Variants in MANBA observed in about 807,000 individuals in gnomAD.
The protein encoded by MANBA is beta-mannosidase.
A neutral mutation model predicts 111.1 loss-of-function variants in MANBA; 83 were observed. The observed-to-expected ratio is 0.75, with a 90% CI of 0.63 to 0.90. The LOEUF is 0.90. Ranked by LOEUF, MANBA falls within the 40% of genes least tolerant of loss-of-function variation. MANBA has a pLI of 0.00. For synonymous variants in MANBA, 370 were observed against 378.7 expected, an observed-to-expected ratio of 0.98 and a Z score of 0.27; for missense variants, 1,036 against 1,069.0, an observed-to-expected ratio of 0.97 and a Z score of 0.43.
chr4:102,716,309 CAAAAAAAAAAAAAAAAAA>C (rs56345161), intron 4 of MANBA, among the ~76,000 whole-genome samples: 2 of 39,108 alleles, frequency 5.1e-5, no homozygotes. Flanking sequence ...AACTCAGTCT[CAAAAAAAAAAAAAAAAAA>C]AAAAAAAAGA....
chr4:102,699,647 T>C (rs938108876), intron 5 of MANBA, among the ~76,000 whole-genome samples: 1 of 150,918 alleles, frequency 6.6e-6, no homozygotes, highest in Non-Finnish European at 1.5e-5. Flanking sequence ...TCTGTTTATA[T>C]GATGTATTAC....
intron 1 of MANBA, among the ~76,000 whole-genome samples, chr4:102,758,639 C>T (rs1221029064): frequency 1.3e-5 from 2 of 151,276 alleles, no homozygotes; most frequent in African/African-American, 4.9e-5. Context: ...ACCTCCTGGG[C>T]TCAAACGATC....
At position 102,711,648 on chromosome 4, in the gene MANBA, A is replaced by G. The variant is rs551053370; in HGVS notation, c.673+2790T>C. Reference sequence around the variant, plus strand: ...AAAGAAATCAGTATAACAAAAAGATACTTGCACCCCATGTTTACTGCAGCA... The same window carrying G: ...AAAGAAATCAGTATAACAAAAAGATGCTTGCACCCCATGTTTACTGCAGCA... On this transcript the variant is annotated intron_variant, in intron 5 of 16. Coordinates refer to ENST00000647097, the MANE Select transcript of MANBA (RefSeq NM_005908.4). 5.8e-4 allele frequency among the ~76,000 whole-genome samples: 89 copies of G among 152,350 alleles called. No individual in the cohort carries two copies. The South Asian group carries it at 8.3e-3, about 14-fold the overall frequency.
intron 1 of MANBA, chr4:102,729,004 G>T: frequency 2.1e-6 from 2 of 964,362 alleles, no homozygotes; most frequent in Non-Finnish European, 3.3e-6. Context: ...GCTTCCTGTA[G>T]GTGGCTATCT....
At chr4:102,654,445 A>T (rs1730471082) in intron 12 of MANBA, among the ~76,000 whole-genome samples, 1 of 152,238 alleles carries the variant, frequency 6.6e-6, no homozygotes, top group Admixed American at 6.5e-5. Context: ...TTATGACATC[A>T]TTAAAGTTAA....
intron 1 of MANBA, among the ~76,000 whole-genome samples, chr4:102,738,211 A>C (rs77673146): frequency 0.014 from 2,157 of 152,338 alleles, 49 homozygotes; most frequent in African/African-American, 0.046. Context: ...TAAAGAAGAA[A>C]ACAACTAATT....
At chr4:102,703,833 C>A (rs763287463) in intron 5 of MANBA, among the ~76,000 whole-genome samples, 2 of 152,176 alleles carry the variant, frequency 1.3e-5, no homozygotes, top group East Asian at 3.8e-4. Context: ...TGGTGGCTCA[C>A]GCCTGTAATC....
rs569197016 is a variant in MANBA, at chr4:102,651,355, T to C, written c.1705-654A>G. Among the ~76,000 whole-genome samples the C allele has an allele frequency of 1.3e-4, 20 of 152,174 alleles. No individual in the cohort carries two copies. In the South Asian group the frequency reaches 3.9e-3, roughly 30 times the overall value. On this transcript the variant is annotated intron_variant, in intron 12 of 16. Coordinates refer to ENST00000647097, the MANE Select transcript of MANBA (RefSeq NM_005908.4). ...CCCAAATTATAGGATCTTTATTTTA[T>C]CCCCTAACTTACAGGATCTTTCTTT...
At chr4:102,728,390 T>C in intron 1 of MANBA, 1 of 515,536 alleles carries the variant, frequency 1.9e-6, no homozygotes, top group South Asian at 1.4e-5. Flanking sequence ...AGCCAGGCTG[T>C]TTTCCTGTGG....
Position 102,760,836 on chromosome 4 carries a change from T to A in MANBA, c.59A>T (p.Glu20Val). ...GTTGCCACGCAAGCTGTAACTGAGCTCCGCGGCGGTGGTGCCTGCACCGCA... is the reference window on the plus strand; with the variant it reads ...GTTGCCACGCAAGCTGTAACTGAGCACCGCGGCGGTGGTGCCTGCACCGCA... ...ALCGAGTTAA[E>V]LSYSLRGNWS... Residue 20 changes from glutamate to valine, a missense_variant, in exon 1 of 17, where the codon GAG becomes GTG. Coordinates refer to ENST00000647097, the MANE Select transcript of MANBA (RefSeq NM_005908.4). 1 of 1,569,722 alleles carries A rather than the reference T, an allele frequency of 6.4e-7. No homozygotes were observed. The highest frequency in any genetic ancestry group is 1.2e-5 in the South Asian group (1 of 85,598).
chr4:102,716,337 A>G (rs2110275938), intron 4 of MANBA, among the ~76,000 whole-genome samples: 1 of 142,894 alleles, frequency 7.0e-6, no homozygotes, highest in South Asian at 2.2e-4. Flanking sequence ...AAAAAAAAAG[A>G]ATGAGGAAAC....
At chr4:102,747,590 C>T (rs568959489) in intron 1 of MANBA, among the ~76,000 whole-genome samples, 1 of 152,332 alleles carries the variant, frequency 6.6e-6, no homozygotes, top group South Asian at 2.1e-4. Flanking sequence ...AAGCTATAGT[C>T]TCCAAACTTC....
At chr4:102,726,113 T>A (rs1722785761) in intron 2 of MANBA, among the ~76,000 whole-genome samples, 1 of 149,960 alleles carries the variant, frequency 6.7e-6, no homozygotes, top group African/African-American at 2.5e-5. Flanking sequence ...AAAAAAAAAA[T>A]CACATAAAAG....
At chr4:102,636,129 A>G in intron 14 of MANBA, 122 bp from the exon 15 acceptor site, 2 of 838,754 alleles carry the variant, frequency 2.4e-6, no homozygotes, top group Non-Finnish European at 4.0e-6. Context: ...AGGGAGAGTC[A>G]ACAGTGGAGG....
chr4:102,728,666 G>C lies in MANBA; in HGVS notation c.178-1983C>G. Reference sequence around the variant, plus strand: ...GAGGGCTAGGGCTGGGCCTCAGGTGGGTCTCACGTTCCCTGTGCTCCCTTC... The same window carrying C: ...GAGGGCTAGGGCTGGGCCTCAGGTGCGTCTCACGTTCCCTGTGCTCCCTTC... On this transcript the variant is annotated intron_variant, in intron 1 of 16. Transcript: ENST00000647097. 10 of 561,162 alleles carry C rather than the reference G, an allele frequency of 1.8e-5. No homozygotes were observed. The South Asian group carries it at 1.8e-4, about 10-fold the overall frequency. 34.8% of individuals were successfully genotyped at this position (561,162 alleles called of 1,614,324 possible).
intron 1 of MANBA, among the ~76,000 whole-genome samples, chr4:102,747,889 T>C (rs1429147525): frequency 6.6e-6 from 1 of 152,202 alleles, no homozygotes; most frequent in African/African-American, 2.4e-5. Flanking sequence ...CCAGGCATTA[T>C]GCAAGGTTTT....
intron 1 of MANBA, among the ~76,000 whole-genome samples, chr4:102,757,678 A>T (rs1352496998): frequency 1.3e-5 from 2 of 152,200 alleles, no homozygotes; most frequent in Non-Finnish European, 2.9e-5. Context: ...GCCCATACAT[A>T]GACCAGCAAT....
intron 8 of MANBA, chr4:102,671,990 G>A: frequency 2.5e-6 from 1 of 399,706 alleles, no homozygotes; most frequent in Non-Finnish European, 4.4e-6. Flanking sequence ...GCTCAGCACA[G>A]GCACCACGGC....
At chr4:102,658,193 T>C (rs1407774994) in intron 11 of MANBA, among the ~76,000 whole-genome samples, 1 of 152,220 alleles carries the variant, frequency 6.6e-6, no homozygotes, top group Non-Finnish European at 1.5e-5. Context: ...GTGTACAGTC[T>C]AGTCCAGAGT....
Sources: gnomAD v4.1 joint callset for allele counts (sites outside exome capture counted in the v4.1 genomes callset) on GRCh38, gnomAD v4.1.1 for gene constraint, MANE v1.5 for transcripts, NCBI Gene and HGNC (gene_info 2026-07-23, HGNC 2026-07-21) for gene names.